KLRC1: variants seen among roughly 807,000 people sequenced by gnomAD.
KLRC1 encodes NKG2-A/NKG2-B type II integral membrane protein.
Under a neutral mutation model 25.9 loss-of-function variants are expected in KLRC1, and 22 were observed. That is an observed-to-expected ratio of 0.85 (90% CI 0.61 to 1.21). KLRC1 has a LOEUF of 1.21. Among genes scored for constraint, KLRC1 ranks in the 50% most tolerant of loss-of-function variants. The pLI is 0.00. For synonymous variants in KLRC1, 77 were observed against 93.1 expected (o/e 0.83, Z 0.99); for missense variants, 240 against 272.2 (o/e 0.88, Z 0.83).
At chr12:10,453,037 A>G (rs1351634719) in intron 1 of KLRC1, among the ~76,000 whole-genome samples, 161 bp downstream of exon 1, 2 of 152,212 alleles carry the variant, frequency 1.3e-5, no homozygotes, top group Non-Finnish European at 2.9e-5. Flanking sequence ...AACATATTTC[A>G]TATTTTAGGT....
At position 10,446,626 on chromosome 12, in the gene KLRC1, T is replaced by G. The variant is rs1020612489; in HGVS notation, c.627A>C (p.Ala209=). 8.7e-6 allele frequency: 14 copies of G among 1,613,870 alleles called. No homozygotes were observed. Among genetic ancestry groups the G allele is most frequent in the Non-Finnish European group, 1.1e-5 (13 of 1,179,920 alleles). ...ATTTAAGTCGATTTACTTGTAGCAC[T>G]GCACAGTTAAGTTCAGCATTATCTG... ...KDSDNAELNC[A]VLQVNRLKSA... The change falls in exon 7 of 7, where the codon GCA becomes GCC. Residue 209 remains alanine, a synonymous_variant. Transcript: ENST00000359151.
At chr12:10,445,231 T>C (rs1458185167), downstream of KLRC1, among the ~76,000 whole-genome samples, 12 of 152,180 alleles carry the variant, frequency 7.9e-5, no homozygotes, top group Middle Eastern at 3.4e-3. Context: ...ACTGATATTT[T>C]ATGAGGGAAA....
chr12:10,450,169 C>T, intron 3 of KLRC1: 1 of 452,200 alleles, frequency 2.2e-6, no homozygotes. Context: ...TTCACCATCT[C>T]ATATAGTTCT....
intron 1 of KLRC1, 87 bp downstream of exon 1, chr12:10,453,111 T>C (rs148815969): frequency 2.3e-5 from 11 of 472,066 alleles, no homozygotes; most frequent in African/African-American, 2.3e-4. Context: ...GTATATTAAT[T>C]ATACCTCCTT....
intron 5 of KLRC1, among the ~76,000 whole-genome samples, chr12:10,448,015 C>T (rs1864029615): frequency 6.6e-6 from 1 of 152,100 alleles, no homozygotes. Flanking sequence ...GACATGGAAG[C>T]TACATATTGG....
downstream of KLRC1, among the ~76,000 whole-genome samples, chr12:10,444,233 A>G (rs1485809010): frequency 2.1e-5 from 3 of 142,334 alleles, 1 homozygote; most frequent in South Asian, 4.3e-4. Context: ...CAAGTGGTGT[A>G]TAAGAAAATA....
At chr12:10,449,146 T>C (rs1864065658) in intron 5 of KLRC1, 91 bp downstream of exon 5, 11 of 1,505,346 alleles carry the variant, frequency 7.3e-6, no homozygotes, top group Non-Finnish European at 1.0e-5. Context: ...ATAAGCTAAA[T>C]GTATATACCC....
chr12:10,450,609 A>C (rs1591616197), intron 2 of KLRC1, 30 bp from the exon 3 acceptor site: 1 of 1,345,614 alleles, frequency 7.4e-7, no homozygotes, highest in Non-Finnish European at 1.1e-6. Context: ...AACAGTGCGA[A>C]AGGAGAGGTG....
At chr12:10,444,966 T>A (rs1213227891), downstream of KLRC1, among the ~76,000 whole-genome samples, 1 of 145,410 alleles carries the variant, frequency 6.9e-6, no homozygotes, top group Non-Finnish European at 1.5e-5. Flanking sequence ...TGTCGCCAGG[T>A]TGGAGTGCAG....
chr12:10,443,678 C>T (rs181994196), downstream of KLRC1, among the ~76,000 whole-genome samples: 28 of 141,292 alleles, frequency 2.0e-4, 5 homozygotes, highest in East Asian at 4.2e-4. Context: ...CACTCACACA[C>T]GTAGAATACT....
rs1864019220 is a variant in KLRC1, at chr12:10,447,622, G to T, written c.500C>A (p.Ser167Tyr). The change falls in exon 6 of 7, where the codon TCC (serine) becomes TAC (tyrosine). Residue 167 changes from serine (S) to tyrosine (Y), a missense_variant. Transcript: ENST00000359151. Reference sequence around the variant, plus strand: ...AATCCATGAGGATGGTGAAATGATGGACAGAAATTTCTAAAAGAAAAGAAA... The same window carrying T: ...AATCCATGAGGATGGTGAAATGATGTACAGAAATTTCTAAAAGAAAAGAAA... ...IDNEEEMKFL[S>Y]IISPSSWIGV... is the part of the protein sequence containing the mutation. 1.9e-6 allele frequency: 3 copies of T among 1,599,492 alleles called. No individual in the cohort carries two copies. The highest frequency in any genetic ancestry group is 1.3e-5 in the African/African-American group (1 of 74,448).
At chr12:10,445,256 C>CATGGATTT (rs1863962394), downstream of KLRC1, among the ~76,000 whole-genome samples, 1 of 151,876 alleles carries the variant, frequency 6.6e-6, no homozygotes, top group South Asian at 2.1e-4. Flanking sequence ...CAATGATCAC[C>CATGGATTT]ATGGATTTAT....
At chr12:10,453,678 T>A (rs1406530344), upstream of KLRC1, among the ~76,000 whole-genome samples, 1 of 152,170 alleles carries the variant, frequency 6.6e-6, no homozygotes, top group Middle Eastern at 3.2e-3. Flanking sequence ...TTTATATTAT[T>A]TTATTATGTC....
chr12:10,445,206 C>T (rs1863961443), downstream of KLRC1, among the ~76,000 whole-genome samples: 1 of 152,002 alleles, frequency 6.6e-6, no homozygotes, highest in Admixed American at 6.6e-5. Flanking sequence ...ACATCAGCCA[C>T]CACACCCGGC....
downstream of KLRC1, among the ~76,000 whole-genome samples, chr12:10,444,712 A>T (rs60110638): frequency 0.34 from 51,418 of 151,864 alleles, 11,289 homozygotes; most frequent in African/African-American, 0.62. Flanking sequence ...CAGATGGCAT[A>T]ACTAGTGAAT....
rs1196753683 is a variant in KLRC1 at position 10,446,417 on chromosome 12, T to A, written c.*134A>T. On this transcript the variant is annotated 3_prime_UTR_variant, in exon 7 of 7. Coordinates refer to ENST00000359151, the MANE Select transcript of KLRC1 (RefSeq NM_002259.5). ...CTTTAGTAATTGTGTGTATCCTGTTTCAATAATTGATTTAGAATTTTCTTA... is the reference window on the plus strand; with the variant it reads ...CTTTAGTAATTGTGTGTATCCTGTTACAATAATTGATTTAGAATTTTCTTA... The A allele has an allele frequency of 7.0e-7, 1 of 1,437,290 alleles. No individual in the cohort carries two copies. Among genetic ancestry groups the A allele is most frequent in the Non-Finnish European group, 9.1e-7 (1 of 1,094,280 alleles). The allele number at this position is 1,437,290 out of a possible 1,614,324, so 89.0% of individuals were successfully genotyped here.
downstream of KLRC1, among the ~76,000 whole-genome samples, chr12:10,444,959 CG>C: frequency 7.1e-6 from 1 of 140,482 alleles, no homozygotes; most frequent in South Asian, 2.3e-4. Context: ...CTCCCTCTGT[CG>C]CCAGGTTGGA....
At chr12:10,452,622 A>G (rs1393071923) in intron 1 of KLRC1, among the ~76,000 whole-genome samples, 1 of 152,204 alleles carries the variant, frequency 6.6e-6, no homozygotes, top group Non-Finnish European at 1.5e-5. Context: ...CAGTTAAAGC[A>G]TGGAAAATAA....
At chr12:10,450,292 G>A in intron 3 of KLRC1, 192 bp downstream of exon 3, 1 of 500,982 alleles carries the variant, frequency 2.0e-6, no homozygotes. Context: ...ACATACGATT[G>A]CATCAGAAGC....
Sources: gnomAD v4.1 joint callset for allele counts (sites outside exome capture counted in the v4.1 genomes callset) on GRCh38, gnomAD v4.1.1 for gene constraint, MANE v1.5 for transcripts, NCBI Gene and HGNC (gene_info 2026-07-23, HGNC 2026-07-21) for gene names.